Variants in CRK observed in about 807,000 individuals in gnomAD.
The protein encoded by CRK is CRK proto-oncogene, adaptor protein.
Under a neutral mutation model 29.8 loss-of-function variants are expected in CRK, and 4 were observed. The ratio of observed to expected loss-of-function variants is 0.13; its 90% CI spans 0.07 to 0.31. The LOEUF (loss-of-function observed/expected upper bound fraction) is 0.31, where lower values mean the gene tolerates loss of function less well. CRK is among the 10% of genes least tolerant of loss of function. The pLI, the probability that CRK is intolerant of heterozygous loss-of-function variation, is 1.00. For missense variants in CRK, 274 were observed against 396.5 expected (o/e 0.69, Z 2.62); for synonymous variants, 153 against 164.9 (o/e 0.93, Z 0.55).
At chr17:1,441,861 G>A (rs542331124) in intron 1 of CRK, among the ~76,000 whole-genome samples, 2 of 148,850 alleles carry the variant, frequency 1.3e-5, no homozygotes, top group African/African-American at 5.1e-5. Flanking sequence ...CTGCGGTTTT[G>A]TTTTTGTTTT....
At position 1,447,553 on chromosome 17, in the gene CRK, G is replaced by A. The variant is rs145446365; in HGVS notation, c.241+8324C>T. Among the ~76,000 whole-genome samples the A allele has an allele frequency of 5.9e-5, 9 of 151,850 alleles. No individual in the cohort carries two copies. The East Asian group carries it at 1.2e-3, about 20-fold the overall frequency. ...TAAAATAGGCCCAATCACTTCTGAC[G>A]GGTCTACAAGAGCGGGCCAGGCTCT... On this transcript the variant is annotated intron_variant, in intron 1 of 2. Coordinates refer to ENST00000300574, the MANE Select transcript of CRK (RefSeq NM_016823.4).
At position 1,420,694 on chromosome 17, in the gene CRK, T is replaced by A. The variant is rs1026981327; in HGVS notation, c.*2819A>T. Reference sequence around the variant, plus strand: ...TTGTGAAAAATATTCAAAGATTACTTTTTTGCAAAAGATCACCAAGCCAAA... The same window carrying A: ...TTGTGAAAAATATTCAAAGATTACTATTTTGCAAAAGATCACCAAGCCAAA... On this transcript the variant is annotated 3_prime_UTR_variant, in exon 3 of 3. Coordinates refer to ENST00000300574, the MANE Select transcript of CRK (RefSeq NM_016823.4). The A allele has an allele frequency of 6.6e-6, 1 of 152,126 alleles. No individual in the cohort carries two copies. Among genetic ancestry groups the A allele is most frequent in the African/African-American group, 2.4e-5 (1 of 41,428 alleles). 9.4% of individuals were successfully genotyped at this position (152,126 alleles called of 1,614,324 possible). A position where few individuals can be genotyped will look rare whatever the true frequency, so the allele number is the denominator to read the frequency against.
chr17:1,437,772 G>A (rs2073898385), intron 1 of CRK, among the ~76,000 whole-genome samples: 1 of 151,222 alleles, frequency 6.6e-6, no homozygotes, highest in Non-Finnish European at 1.5e-5. Context: ...TCCCGTCTCA[G>A]CCTCCTGAGT....
intron 2 of CRK, among the ~76,000 whole-genome samples, chr17:1,435,612 A>G (rs1049678234): frequency 6.6e-5 from 10 of 152,190 alleles, no homozygotes; most frequent in Admixed American, 6.6e-4. Context: ...AGAGGCAGTG[A>G]TAACTCTGAC....
chr17:1,435,373 A>T (rs1165696460), intron 2 of CRK, among the ~76,000 whole-genome samples: 1 of 151,982 alleles, frequency 6.6e-6, no homozygotes, highest in Non-Finnish European at 1.5e-5. Context: ...TTTCATACTT[A>T]CTTCAACCCA....
rs61762266 is a variant in CRK, at chr17:1,436,493, T to G, written c.777+127A>C. The G allele has an allele frequency of 8.9e-4, 892 of 1,005,246 alleles. 2 individuals carry two copies. Among genetic ancestry groups the G allele is most frequent in the Middle Eastern group, 7.0e-3 (21 of 2,984 alleles). 62.3% of individuals were successfully genotyped at this position (1,005,246 alleles called of 1,614,324 possible). A position where few individuals can be genotyped will look rare whatever the true frequency, so the allele number is the denominator to read the frequency against. ...GAAAACCCAACATTCAATGCCAACA[T>G]CAGTGCTTAGCGGCTTGCCATCTAC... is the stretch of plus-strand genomic sequence containing the variant. On this transcript the variant is annotated intron_variant, in intron 2 of 2. Coordinates refer to ENST00000300574, the MANE Select transcript of CRK (RefSeq NM_016823.4).
intron 1 of CRK, among the ~76,000 whole-genome samples, chr17:1,450,130 G>A (rs1323939830): frequency 6.6e-6 from 1 of 152,076 alleles, no homozygotes; most frequent in Non-Finnish European, 1.5e-5. Flanking sequence ...GGCTTGACCC[G>A]GGAGGGGGAG....
chr17:1,444,076 C>G (rs2073955700), intron 1 of CRK, among the ~76,000 whole-genome samples: 1 of 151,946 alleles, frequency 6.6e-6, no homozygotes, highest in African/African-American at 2.4e-5. Flanking sequence ...AAGTAATCCT[C>G]TTCCCCCTTG....
chr17:1,439,296 A>G (rs1278910845), intron 1 of CRK, among the ~76,000 whole-genome samples: 1 of 151,932 alleles, frequency 6.6e-6, no homozygotes, highest in East Asian at 1.9e-4. Flanking sequence ...ACGGGGTTTT[A>G]CCGTGTTAGC....
chr17:1,431,119 C>A (rs909110936), intron 2 of CRK, among the ~76,000 whole-genome samples: 2 of 151,872 alleles, frequency 1.3e-5, no homozygotes, highest in African/African-American at 4.8e-5. Context: ...TTTTTGGGGC[C>A]TTTCTCCTGA....
intron 1 of CRK, 29 bp downstream of exon 1, chr17:1,455,848 C>T (rs781050106): frequency 5.3e-6 from 8 of 1,513,288 alleles, no homozygotes; most frequent in Middle Eastern, 1.8e-4. Flanking sequence ...TCACCCCGCC[C>T]AGGGCCCGCC....
At position 1,422,146 on chromosome 17, in the gene CRK, T is replaced by C. The variant is rs1056623024; in HGVS notation, c.*1367A>G. 2 of 150,444 alleles carry C rather than the reference T, an allele frequency of 1.3e-5. No homozygotes were observed. Among genetic ancestry groups the C allele is most frequent in the Non-Finnish European group, 3.0e-5 (2 of 67,744 alleles). The allele number at this position is 150,444 out of a possible 1,614,324, so 9.3% of individuals were successfully genotyped here. ...TAAGTAATTCACAATTGGTTCAACA[T>C]TTTTTTTTCTTTTTTTTTTCCTTTT... is the stretch of plus-strand genomic sequence containing the variant. On this transcript the variant is annotated 3_prime_UTR_variant, in exon 3 of 3. Transcript: ENST00000300574.
intron 2 of CRK, among the ~76,000 whole-genome samples, chr17:1,427,320 G>A (rs770337654): frequency 5.3e-5 from 8 of 151,160 alleles, no homozygotes; most frequent in Non-Finnish European, 8.8e-5. Flanking sequence ...TTGGCCGGGC[G>A]CGGTGGCTCA....
chr17:1,431,046 G>C lies in CRK; in HGVS notation c.777+5574C>G, dbSNP rs935411475. On this transcript the variant is annotated intron_variant, in intron 2 of 2. Coordinates refer to ENST00000300574, the MANE Select transcript of CRK (RefSeq NM_016823.4). Reference sequence around the variant, plus strand: ...TCACGCACTGCACTCCAGCCTGGGCGACAGAGTGAGACTCCGTCTCAAAAC... The same window carrying C: ...TCACGCACTGCACTCCAGCCTGGGCCACAGAGTGAGACTCCGTCTCAAAAC... Among the ~76,000 whole-genome samples the C allele has an allele frequency of 2.0e-5, 3 of 150,782 alleles. No homozygotes were observed. The East Asian group carries it at 5.9e-4, about 30-fold the overall frequency.
intron 1 of CRK, among the ~76,000 whole-genome samples, chr17:1,451,897 A>G (rs2074021251): frequency 6.6e-6 from 1 of 152,162 alleles, no homozygotes; most frequent in Non-Finnish European, 1.5e-5. Flanking sequence ...AGGCAGGAGA[A>G]TCACTTGAAC....
At chr17:1,436,112 T>C (rs1023209051) in intron 2 of CRK, among the ~76,000 whole-genome samples, 23 of 152,148 alleles carry the variant, frequency 1.5e-4, no homozygotes, top group African/African-American at 5.3e-4. Flanking sequence ...GTGCATCTCT[T>C]CAAACCTCTA....
At chr17:1,425,147 T>G in intron 2 of CRK, among the ~76,000 whole-genome samples, 1 of 151,940 alleles carries the variant, frequency 6.6e-6, no homozygotes, top group East Asian at 1.9e-4. Flanking sequence ...TGGAGTGCAG[T>G]GGCGCTATCT....
intron 1 of CRK, among the ~76,000 whole-genome samples, chr17:1,446,801 A>G (rs2073978567): frequency 1.3e-5 from 2 of 151,172 alleles, no homozygotes; most frequent in Non-Finnish European, 3.0e-5. Flanking sequence ...CACCGTGTTA[A>G]CCAGGATGGT....
intron 1 of CRK, among the ~76,000 whole-genome samples, chr17:1,450,568 C>T (rs926968404): frequency 6.6e-6 from 1 of 151,864 alleles, no homozygotes; most frequent in Non-Finnish European, 1.5e-5. Flanking sequence ...ATAATTTTCA[C>T]CTATGCACTG....
Sources: allele counts gnomAD v4.1 joint callset (sites outside exome capture counted in the v4.1 genomes callset), GRCh38; gene constraint gnomAD v4.1.1; transcripts MANE v1.5; gene names NCBI Gene and HGNC (gene_info 2026-07-23, HGNC 2026-07-21).